UBE2R2: variants seen among roughly 807,000 people sequenced by gnomAD.
UBE2R2 encodes the protein ubiquitin-conjugating enzyme E2 R2.
Under a neutral mutation model 27.8 loss-of-function variants are expected in UBE2R2, and 1 was observed. That is an observed-to-expected ratio of 0.04 (90% CI 0.01 to 0.17). UBE2R2 has a LOEUF of 0.17. Ranked by LOEUF, UBE2R2 falls within the 10% of genes least tolerant of loss-of-function variation. UBE2R2 has a pLI of 1.00. For missense variants in UBE2R2, 100 were observed against 291.0 expected (o/e 0.34, Z 4.78); for synonymous variants, 106 against 113.3 (o/e 0.94, Z 0.41).
At chr9:33,838,614 G>A (rs1391798397) in intron 1 of UBE2R2, among the ~76,000 whole-genome samples, 3 of 152,076 alleles carry the variant, frequency 2.0e-5, no homozygotes, top group Admixed American at 2.0e-4. Flanking sequence ...GGCTGAGACA[G>A]GTGGATTATG....
chr9:33,890,400 T>A (rs1821952916), intron 2 of UBE2R2, among the ~76,000 whole-genome samples: 1 of 150,822 alleles, frequency 6.6e-6, no homozygotes, highest in African/African-American at 2.4e-5. Context: ...AACCCCGTCT[T>A]TACTAAAAAT....
intron 1 of UBE2R2, among the ~76,000 whole-genome samples, chr9:33,823,262 T>C (rs1166943154): frequency 6.6e-6 from 1 of 152,078 alleles, no homozygotes. Flanking sequence ...TGTCTTGAAC[T>C]CCTGGGCTCA....
intron 1 of UBE2R2, among the ~76,000 whole-genome samples, chr9:33,879,538 C>T (rs185527961): frequency 1.3e-5 from 2 of 151,864 alleles, no homozygotes; most frequent in Non-Finnish European, 2.9e-5. Context: ...ACTGCAGACT[C>T]GACCTCCTGG....
At chr9:33,838,693 G>A (rs984645000) in intron 1 of UBE2R2, among the ~76,000 whole-genome samples, 13 of 152,064 alleles carry the variant, frequency 8.5e-5, no homozygotes, top group African/African-American at 1.7e-4. Flanking sequence ...TGCAAGAACC[G>A]TACATTTAGC....
intron 3 of UBE2R2, among the ~76,000 whole-genome samples, chr9:33,906,322 G>A (rs535134906): frequency 1.3e-5 from 2 of 152,164 alleles, no homozygotes; most frequent in South Asian, 2.1e-4. Context: ...GGATTTTTCC[G>A]TGTTAGTCGG....
intron 1 of UBE2R2, among the ~76,000 whole-genome samples, chr9:33,824,122 T>C (rs1587423366): frequency 6.6e-6 from 1 of 152,378 alleles, no homozygotes; most frequent in East Asian, 1.9e-4. Flanking sequence ...TAGTTTTTCA[T>C]AGAATATGCT....
chr9:33,824,190 G>T (rs986426027), intron 1 of UBE2R2, among the ~76,000 whole-genome samples: 1 of 151,904 alleles, frequency 6.6e-6, no homozygotes, highest in African/African-American at 2.4e-5. Flanking sequence ...ACTTCTTTTT[G>T]ATTAAGAAAT....
intron 1 of UBE2R2, among the ~76,000 whole-genome samples, chr9:33,847,629 T>G (rs1554672528): frequency 6.6e-6 from 1 of 152,126 alleles, no homozygotes; most frequent in Non-Finnish European, 1.5e-5. Context: ...TCATTCTCTC[T>G]CTCTTCTTCA....
intron 1 of UBE2R2, among the ~76,000 whole-genome samples, chr9:33,862,708 C>T (rs1298824451): frequency 6.6e-6 from 1 of 152,060 alleles, no homozygotes; most frequent in Non-Finnish European, 1.5e-5. Flanking sequence ...GCCTGTTTTA[C>T]TGTAGAAGGG....
intron 1 of UBE2R2, among the ~76,000 whole-genome samples, chr9:33,846,263 T>G (rs1820844744): frequency 1.3e-5 from 2 of 152,166 alleles, no homozygotes; most frequent in Non-Finnish European, 2.9e-5. Flanking sequence ...ACCACTGCAC[T>G]CTAGCCTAGG....
intron 1 of UBE2R2, among the ~76,000 whole-genome samples, chr9:33,873,091 C>G (rs764377630): frequency 6.8e-6 from 1 of 148,030 alleles, no homozygotes; most frequent in Non-Finnish European, 1.5e-5. Flanking sequence ...AGGAGAATTG[C>G]TTGAGCCTGG....
chr9:33,906,005 G>A (rs149123992), intron 3 of UBE2R2, among the ~76,000 whole-genome samples: 10 of 152,344 alleles, frequency 6.6e-5, no homozygotes, highest in Admixed American at 3.3e-4. Context: ...ATCAATCTGC[G>A]TGTGTGTTTG....
At chr9:33,852,652 G>C (rs937177238) in intron 1 of UBE2R2, among the ~76,000 whole-genome samples, 11 of 152,088 alleles carry the variant, frequency 7.2e-5, no homozygotes, top group African/African-American at 2.7e-4. Flanking sequence ...CTCTGTGAGG[G>C]CCATACTGAA....
chr9:33,825,163 C>T (rs970460710), intron 1 of UBE2R2, among the ~76,000 whole-genome samples: 2 of 151,580 alleles, frequency 1.3e-5, no homozygotes, highest in East Asian at 1.9e-4. Flanking sequence ...TAAGAATGAT[C>T]GGCCAGGCGG....
At chr9:33,885,807 C>T (rs768672394) in intron 1 of UBE2R2, among the ~76,000 whole-genome samples, 10 of 152,050 alleles carry the variant, frequency 6.6e-5, no homozygotes, top group Non-Finnish European at 1.3e-4. Flanking sequence ...GGCAATTTTC[C>T]CATTGCTTTT....
intron 1 of UBE2R2, among the ~76,000 whole-genome samples, chr9:33,841,346 C>T (rs1162638993): frequency 6.6e-6 from 1 of 152,162 alleles, no homozygotes; most frequent in Non-Finnish European, 1.5e-5. Context: ...TCCCAAAGTG[C>T]TGGGATTACG....
At chr9:33,875,114 A>G (rs2130784001) in intron 1 of UBE2R2, among the ~76,000 whole-genome samples, 1 of 152,088 alleles carries the variant, frequency 6.6e-6, no homozygotes, top group Non-Finnish European at 1.5e-5. Flanking sequence ...CTCCTGGCCA[A>G]GTTTTGTTTT....
chr9:33,832,456 A>C (rs1192868311), intron 1 of UBE2R2, among the ~76,000 whole-genome samples: 1 of 152,094 alleles, frequency 6.6e-6, no homozygotes, highest in Non-Finnish European at 1.5e-5. Flanking sequence ...GGAGATCGAG[A>C]CCATCCTGGC....
At chr9:33,896,755 G>A (rs1393233140) in intron 2 of UBE2R2, among the ~76,000 whole-genome samples, 1 of 151,690 alleles carries the variant, frequency 6.6e-6, no homozygotes, top group Admixed American at 6.6e-5. Flanking sequence ...GCAACTGAGG[G>A]TTTTTAATAA....
Sources: gnomAD v4.1 joint callset for allele counts (sites outside exome capture counted in the v4.1 genomes callset) on GRCh38, gnomAD v4.1.1 for gene constraint, MANE v1.5 for transcripts, NCBI Gene and HGNC (gene_info 2026-07-23, HGNC 2026-07-21) for gene names.